Variants in DLG2 observed in about 807,000 individuals in gnomAD.
The protein encoded by DLG2 is disks large homolog 2.
DLG2 carries 45 observed loss-of-function variants against 132.5 expected under a neutral mutation model. The ratio of observed to expected loss-of-function variants is 0.34; its 90% CI spans 0.27 to 0.44. The LOEUF is 0.44. DLG2 is among the 20% of genes least tolerant of loss of function. The pLI is 1.00. For synonymous variants in DLG2, 424 were observed against 419.6 expected (o/e 1.01, Z -0.13); for missense variants, 1,045 against 1,196.9 (o/e 0.87, Z 1.87).
chr11:84,106,716 G>A (rs568373462), intron 9 of DLG2, among the ~76,000 whole-genome samples: 2 of 152,202 alleles, frequency 1.3e-5, no homozygotes, highest in South Asian at 4.1e-4. Context: ...AGAGGAAGCA[G>A]TTTAATAAAT....
chr11:84,260,353 G>A (rs1350324449), intron 7 of DLG2, among the ~76,000 whole-genome samples: 1 of 152,140 alleles, frequency 6.6e-6, no homozygotes, highest in Non-Finnish European at 1.5e-5. Context: ...TGCTTGAACT[G>A]TTAGTATGAA....
intron 7 of DLG2, among the ~76,000 whole-genome samples, chr11:84,270,471 C>G (rs2097706218): frequency 6.6e-6 from 1 of 152,180 alleles, no homozygotes; most frequent in Non-Finnish European, 1.5e-5. Flanking sequence ...CTGTTTTGAG[C>G]AGCACTATCC....
At chr11:84,699,680 C>A (rs944515881) in intron 6 of DLG2, among the ~76,000 whole-genome samples, 1 of 151,648 alleles carries the variant, frequency 6.6e-6, no homozygotes, top group African/African-American at 2.4e-5. Context: ...TGACTATCTT[C>A]GTCTCCCTCG....
chr11:84,197,706 C>T (rs2154296455), intron 8 of DLG2, among the ~76,000 whole-genome samples: 1 of 152,254 alleles, frequency 6.6e-6, no homozygotes, highest in Admixed American at 6.5e-5. Context: ...AAGCGTGGCA[C>T]ATTACTGACT....
At chr11:84,030,185 A>G (rs539842018) in intron 11 of DLG2, among the ~76,000 whole-genome samples, 27 of 152,244 alleles carry the variant, frequency 1.8e-4, no homozygotes, top group African/African-American at 6.0e-4. Context: ...CTTTTCTGGG[A>G]CCAATTTTCC....
At chr11:85,439,512 A>G (rs1409376649) in intron 3 of DLG2, among the ~76,000 whole-genome samples, 2 of 151,766 alleles carry the variant, frequency 1.3e-5, no homozygotes, top group Non-Finnish European at 2.9e-5. Flanking sequence ...GGCACCCACC[A>G]CCACACCCGG....
intron 7 of DLG2, among the ~76,000 whole-genome samples, chr11:84,442,344 T>C (rs1050922540): frequency 6.6e-6 from 1 of 152,028 alleles, no homozygotes; most frequent in African/African-American, 2.4e-5. Context: ...CACCATAGAA[T>C]ACTATACATC....
intron 3 of DLG2, among the ~76,000 whole-genome samples, chr11:85,441,878 T>C (rs971253012): frequency 7.9e-5 from 12 of 151,554 alleles, no homozygotes; most frequent in African/African-American, 2.4e-4. Context: ...ACATAATAAA[T>C]AGTAATATGA....
intron 7 of DLG2, among the ~76,000 whole-genome samples, chr11:84,384,170 A>G (rs927339501): frequency 1.3e-5 from 2 of 150,942 alleles, no homozygotes. Context: ...AAGTGTATTT[A>G]TTGAAAGCAT....
At chr11:83,466,915 G>T in intron 25 of DLG2, 98 bp from the exon 26 acceptor site, 1 of 765,004 alleles carries the variant, frequency 1.3e-6, no homozygotes, top group South Asian at 1.6e-5. Flanking sequence ...AGGAAGGTAG[G>T]GGATGCTGGA....
At chr11:83,764,519 G>A (rs1000318225) in intron 18 of DLG2, among the ~76,000 whole-genome samples, 2 of 152,194 alleles carry the variant, frequency 1.3e-5, no homozygotes, top group Non-Finnish European at 2.9e-5. Flanking sequence ...GAGGTTGGAT[G>A]GGAGTTACTC....
At chr11:84,064,606 A>G (rs1182435953) in intron 10 of DLG2, among the ~76,000 whole-genome samples, 1 of 152,220 alleles carries the variant, frequency 6.6e-6, no homozygotes, top group Non-Finnish European at 1.5e-5. Flanking sequence ...TACATAGCGT[A>G]GTCCCTGAAA....
intron 3 of DLG2, among the ~76,000 whole-genome samples, chr11:85,510,586 A>G (rs2094039677): frequency 6.6e-6 from 1 of 152,232 alleles, no homozygotes; most frequent in Non-Finnish European, 1.5e-5. Flanking sequence ...ACTTCTCAAA[A>G]GAAGACATTT....
chr11:83,624,900 G>A lies in DLG2; in HGVS notation c.1940+8311C>T, dbSNP rs148255914. Among the ~76,000 whole-genome samples the A allele has an allele frequency of 6.3e-4, 96 of 152,220 alleles. No homozygotes were observed. In the East Asian group the frequency reaches 0.018, roughly 28 times the overall value. ...AGTCTAGACTCTGTCCAGACTTCCTGCTTCATCCTGTTAAACTGTTTCAGG... is the reference window on the plus strand; with the variant it reads ...AGTCTAGACTCTGTCCAGACTTCCTACTTCATCCTGTTAAACTGTTTCAGG... On this transcript the variant is annotated intron_variant, in intron 19 of 27. Coordinates refer to ENST00000376104, the MANE Select transcript of DLG2 (RefSeq NM_001142699.3).
intron 6 of DLG2, among the ~76,000 whole-genome samples, chr11:84,635,157 T>C (rs1484098676): frequency 6.6e-6 from 1 of 152,216 alleles, no homozygotes; most frequent in Non-Finnish European, 1.5e-5. Context: ...AGCGGGAATT[T>C]CAGACAGAAG....
chr11:84,234,323 C>A (rs1337353800), intron 8 of DLG2, among the ~76,000 whole-genome samples: 1 of 152,190 alleles, frequency 6.6e-6, no homozygotes, highest in African/African-American at 2.4e-5. Context: ...TTCACTCCTG[C>A]TGTAAAACTT....
At chr11:85,012,062 C>T (rs11234265) in intron 6 of DLG2, among the ~76,000 whole-genome samples, 77,102 of 150,934 alleles carry the variant, frequency 0.51, 20,092 homozygotes, top group East Asian at 0.62. Flanking sequence ...TGGCTCATGC[C>T]TGTAATCCCA....
chr11:85,522,033 T>A (rs2074356644), intron 3 of DLG2, among the ~76,000 whole-genome samples: 2 of 151,804 alleles, frequency 1.3e-5, no homozygotes, highest in South Asian at 4.2e-4. Context: ...ATGGGGAAAA[T>A]GTTTCTAGGG....
intron 19 of DLG2, among the ~76,000 whole-genome samples, chr11:83,542,986 T>C (rs2096124254): frequency 6.6e-6 from 1 of 152,158 alleles, no homozygotes; most frequent in Non-Finnish European, 1.5e-5. Context: ...TTTTCCACAC[T>C]GAGGACCAAG....
Sources: allele counts gnomAD v4.1 joint callset (sites outside exome capture counted in the v4.1 genomes callset), GRCh38; gene constraint gnomAD v4.1.1; transcripts MANE v1.5; gene names NCBI Gene and HGNC (gene_info 2026-07-23, HGNC 2026-07-21).